Variants in ITPR2 observed in about 807,000 individuals in gnomAD.
ITPR2 encodes the protein inositol 1,4,5-trisphosphate receptor type 2.
In ITPR2, 207 loss-of-function variants were observed where a neutral mutation model predicts 317.1. The ratio of observed to expected loss-of-function variants is 0.65; its 90% CI spans 0.58 to 0.73. The LOEUF is 0.73. ITPR2 is among the 30% of genes least tolerant of loss of function. The pLI is 0.00. For missense variants in ITPR2, 2,613 were observed against 3,284.0 expected (o/e 0.80, Z 4.99); for synonymous variants, 1,156 against 1,149.1 (o/e 1.01, Z -0.12).
At chr12:26,380,470 C>T (rs16930563) in intron 55 of ITPR2, among the ~76,000 whole-genome samples, 18,966 of 152,130 alleles carry the variant, frequency 0.12, 1,394 homozygotes, top group African/African-American at 0.2. Context: ...TCTCCCTGAA[C>T]GCTCAAATTT....
At chr12:26,702,244 C>T (rs1948457043) in intron 9 of ITPR2, among the ~76,000 whole-genome samples, 1 of 151,906 alleles carries the variant, frequency 6.6e-6, no homozygotes, top group African/African-American at 2.4e-5. Context: ...ACATATATGC[C>T]CCACAGAAAC....
intron 9 of ITPR2, among the ~76,000 whole-genome samples, chr12:26,705,362 G>A (rs1335771210): frequency 1.3e-5 from 2 of 152,138 alleles, no homozygotes; most frequent in African/African-American, 2.4e-5. Context: ...CCTTTGCGAA[G>A]TTCTCTCCTT....
intron 37 of ITPR2, among the ~76,000 whole-genome samples, chr12:26,496,425 T>C (rs1942933105): frequency 6.6e-6 from 1 of 152,220 alleles, no homozygotes; most frequent in Admixed American, 6.5e-5. Flanking sequence ...AGTTCTTTTG[T>C]TGTGCTCCTC....
rs767162647 is a variant in ITPR2 at position 26,657,743 on chromosome 12, C to T, written c.2156G>A (p.Gly719Asp). ...IRHLAQEAKE[G>D]TKADLEVLTY... ...AAGAACTTCTAAGTCAGCTTTGGTG[C>T]CTTCTTTTGCCTCTTGAGCAAGGTG... The change falls in exon 18 of 57, where the codon GGC (glycine) becomes GAC (aspartate). Residue 719 changes from glycine (G) to aspartate (D), a missense_variant. Transcript: ENST00000381340. 8.1e-6 allele frequency: 13 copies of T among 1,614,102 alleles called. No individual in the cohort carries two copies. The South Asian group carries it at 1.3e-4, about 16-fold the overall frequency.
intron 2 of ITPR2, among the ~76,000 whole-genome samples, chr12:26,751,038 G>A (rs139822340): frequency 3.7e-4 from 56 of 152,212 alleles, no homozygotes; most frequent in African/African-American, 1.3e-3. Context: ...CAGGGCAGGG[G>A]GTTCAAAAAG....
chr12:26,349,077 G>A (rs923940807), intron 55 of ITPR2, among the ~76,000 whole-genome samples: 1 of 152,166 alleles, frequency 6.6e-6, no homozygotes, highest in Non-Finnish European at 1.5e-5. Flanking sequence ...GAGCCTAGAA[G>A]GTAGAGACTG....
intron 37 of ITPR2, among the ~76,000 whole-genome samples, chr12:26,542,369 A>G (rs1944287763): frequency 6.6e-6 from 1 of 152,238 alleles, no homozygotes; most frequent in Non-Finnish European, 1.5e-5. Context: ...TGGATCTAAC[A>G]TGCCAATGAA....
chr12:26,575,627 T>C (rs1410174519), intron 34 of ITPR2, among the ~76,000 whole-genome samples: 3 of 152,206 alleles, frequency 2.0e-5, no homozygotes, highest in Non-Finnish European at 4.4e-5. Context: ...CATGTCTTTA[T>C]AGCATACGAA....
At chr12:26,343,778 G>T (rs1280936490) in intron 55 of ITPR2, among the ~76,000 whole-genome samples, 4 of 152,084 alleles carry the variant, frequency 2.6e-5, no homozygotes, top group African/African-American at 9.7e-5. Flanking sequence ...GGAGGTTTGA[G>T]GTGTGTTGAT....
At chr12:26,708,152 T>C (rs1372319725) in intron 9 of ITPR2, among the ~76,000 whole-genome samples, 1 of 152,140 alleles carries the variant, frequency 6.6e-6, no homozygotes, top group Non-Finnish European at 1.5e-5. Context: ...TTGGTAGGAA[T>C]GTAAATTAGT....
intron 45 of ITPR2, among the ~76,000 whole-genome samples, chr12:26,470,541 G>T (rs1180001081): frequency 2.6e-5 from 4 of 152,026 alleles, no homozygotes; most frequent in Non-Finnish European, 2.9e-5. Context: ...AATGACCAAA[G>T]AACATATTAA....
At chr12:26,561,341 A>G (rs1260676694) in intron 35 of ITPR2, among the ~76,000 whole-genome samples, 1 of 152,216 alleles carries the variant, frequency 6.6e-6, no homozygotes, top group Non-Finnish European at 1.5e-5. Context: ...GCAAACTAAT[A>G]CAATTTCCAG....
At chr12:26,479,002 T>C (rs1942481568) in intron 43 of ITPR2, among the ~76,000 whole-genome samples, 1 of 151,870 alleles carries the variant, frequency 6.6e-6, no homozygotes, top group South Asian at 2.1e-4. Flanking sequence ...AGATAATTTA[T>C]TATTTAAAGT....
At position 26,659,004 on chromosome 12, in the gene ITPR2, T is replaced by C. The variant is rs112494147; in HGVS notation, c.1886+109A>G. 2.3e-5 allele frequency: 18 copies of C among 774,960 alleles called. No homozygotes were observed. In the African/African-American group the frequency reaches 3.0e-4, roughly 13 times the overall value. 48.0% of individuals were successfully genotyped at this position (774,960 alleles called of 1,614,324 possible). ...ATAGCAATAAGCCCAACATAGTTCG[T>C]CCATAAAAGTTAGTGATGTGAAAGA... On this transcript the variant is annotated intron_variant, in intron 16 of 56. Transcript: ENST00000381340.
chr12:26,663,823 G>A lies in ITPR2; in HGVS notation c.1575C>T (p.Pro525=). The change falls in exon 15 of 57, where the codon CCC becomes CCT. Residue 525 remains proline (P), a synonymous_variant. Transcript: ENST00000381340. ...AGCCTTCTCCTGCTTTCTCTTTAAA[G>A]GGTGCTTTAAGAATTCCAAATACCT... ...LAQVFGILKA[P]FKEKAGEGSM... is the part of the protein sequence containing the mutation. 1 of 1,611,960 alleles carries A rather than the reference G, an allele frequency of 6.2e-7. No homozygotes were observed.
chr12:26,737,286 C>A lies in ITPR2; in HGVS notation c.164-11521G>T, dbSNP rs12811020. Reference sequence around the variant, plus strand: ...TTTCTTTCTTTTTTTTAATACGGAGCCTCGCTCTGTCACCCAGGCTGGAGA... The same window carrying A: ...TTTCTTTCTTTTTTTTAATACGGAGACTCGCTCTGTCACCCAGGCTGGAGA... On this transcript the variant is annotated intron_variant, in intron 2 of 56. Transcript: ENST00000381340. Among the ~76,000 whole-genome samples the A allele has an allele frequency of 1.3e-4, 19 of 150,866 alleles. No homozygotes were observed. The East Asian group carries it at 2.9e-3, about 23-fold the overall frequency.
intron 35 of ITPR2, among the ~76,000 whole-genome samples, chr12:26,558,709 ATC>A (rs1944731763): frequency 1.3e-5 from 2 of 152,242 alleles, no homozygotes; most frequent in African/African-American, 4.8e-5. Context: ...CTTCCGAGAA[ATC>A]TCATCCAATT....
intron 45 of ITPR2, among the ~76,000 whole-genome samples, chr12:26,447,915 T>C (rs576303498): frequency 5.3e-5 from 8 of 151,644 alleles, no homozygotes; most frequent in Non-Finnish European, 1.0e-4. Flanking sequence ...CAACCAAAGA[T>C]ATTCGATTGT....
chr12:26,685,025 G>C (rs1948100400), intron 11 of ITPR2, among the ~76,000 whole-genome samples: 1 of 152,050 alleles, frequency 6.6e-6, no homozygotes, highest in African/African-American at 2.4e-5. Flanking sequence ...AACACCCTGG[G>C]AAGCTCTACC....
Sources: gnomAD v4.1 joint callset for allele counts (sites outside exome capture counted in the v4.1 genomes callset) on GRCh38, gnomAD v4.1.1 for gene constraint, MANE v1.5 for transcripts, NCBI Gene and HGNC (gene_info 2026-07-23, HGNC 2026-07-21) for gene names.